The following PLA2G4A variants were observed in gnomAD, a reference collection of about 807,000 sequenced individuals.
PLA2G4A encodes phospholipase A2 group IVA.
PLA2G4A carries 40 observed loss-of-function variants against 81.9 expected under a neutral mutation model. The observed-to-expected ratio is 0.49, with a 90% CI of 0.38 to 0.64. PLA2G4A has a LOEUF of 0.64. PLA2G4A is among the 30% of genes least tolerant of loss of function. PLA2G4A has a pLI of 0.00. For missense variants in PLA2G4A, 715 were observed against 905.1 expected (o/e 0.79, Z 2.69); for synonymous variants, 302 against 296.9 (o/e 1.02, Z -0.18).
At position 186,939,998 on chromosome 1, in the gene PLA2G4A, A is replaced by C; in HGVS notation, c.937A>C (p.Ser313Arg). 1 of 1,552,764 alleles carries C rather than the reference A, an allele frequency of 6.4e-7. No individual in the cohort carries two copies. Among genetic ancestry groups the C allele is most frequent in the Non-Finnish European group, 8.9e-7 (1 of 1,124,174 alleles). The change falls in exon 10 of 18, where the codon AGC (serine) becomes CGC (arginine). Residue 313 changes from serine (S) to arginine (R), a missense_variant. Physicochemically the swap from Ser to Arg is moderately radical, Grantham distance 110 (BLOSUM62 -1). Transcript: ENST00000367466. The stretch of plus-strand genomic sequence containing the variant: ...TGGACAGAGAATGAATACTACTCTG[A>C]GCAGTTTGAAGGAAAAAGTTAATAC... ...LIHNRMNTTL[S>R]SLKEKVNTAQ... is the part of the protein sequence containing the mutation.
chr1:186,832,809 A>G (rs1317846022), intron 1 of PLA2G4A, among the ~76,000 whole-genome samples: 1 of 152,206 alleles, frequency 6.6e-6, no homozygotes, highest in Non-Finnish European at 1.5e-5. Context: ...ATTTTGAAGA[A>G]TATTAAGAGT....
chr1:186,935,169 C>T (rs1335535863), intron 8 of PLA2G4A, among the ~76,000 whole-genome samples: 1 of 151,900 alleles, frequency 6.6e-6, no homozygotes, highest in African/African-American at 2.4e-5. Flanking sequence ...CTGTGAAAAG[C>T]TTAGCAAAGG....
chr1:186,875,564 C>G (rs1348658257), intron 3 of PLA2G4A, among the ~76,000 whole-genome samples: 2 of 152,092 alleles, frequency 1.3e-5, no homozygotes, highest in South Asian at 2.1e-4. Context: ...ACTATACACA[C>G]ACACACACAT....
chr1:186,888,359 C>T (rs1278271045), intron 3 of PLA2G4A, among the ~76,000 whole-genome samples: 2 of 151,948 alleles, frequency 1.3e-5, no homozygotes, highest in Non-Finnish European at 2.9e-5. Context: ...ACTCATGGTG[C>T]TTCTCAATTT....
intron 7 of PLA2G4A, among the ~76,000 whole-genome samples, chr1:186,919,698 G>A (rs1655276958): frequency 6.6e-6 from 1 of 152,172 alleles, no homozygotes; most frequent in Non-Finnish European, 1.5e-5. Context: ...GCTCTCAGGA[G>A]CTAGTCTGAT....
intron 10 of PLA2G4A, among the ~76,000 whole-genome samples, chr1:186,943,159 CA>C (rs1656218523): frequency 6.6e-6 from 1 of 152,104 alleles, no homozygotes; most frequent in East Asian, 1.9e-4. Flanking sequence ...GCTTTATTAA[CA>C]ATTTTACTTC....
chr1:186,869,367 G>A (rs1653157325), intron 2 of PLA2G4A, among the ~76,000 whole-genome samples: 1 of 151,894 alleles, frequency 6.6e-6, no homozygotes, highest in South Asian at 2.1e-4. Flanking sequence ...AGATTTTTAT[G>A]CTTCCCTGCC....
chr1:186,862,974 A>G (rs763609201), intron 2 of PLA2G4A, among the ~76,000 whole-genome samples: 4 of 152,214 alleles, frequency 2.6e-5, no homozygotes, highest in Non-Finnish European at 4.4e-5. Context: ...TTTAGTTACC[A>G]TTGGACTAGA....
Position 186,965,744 on chromosome 1 carries a change from A to T in PLA2G4A, c.1764+151A>T. On this transcript the variant is annotated intron_variant, in intron 15 of 17. Transcript: ENST00000367466. ...AGTTCTAAAACGCAAACATGGTTCA[A>T]TCAGTCTCCTGCTTAAAGACACTTT... The T allele has an allele frequency of 1.0e-5, 7 of 691,130 alleles. 1 individual carries two copies. Among genetic ancestry groups the T allele is most frequent in the South Asian group, 9.5e-5 (6 of 63,488 alleles). The allele number at this position is 691,130 out of a possible 1,614,324, so 42.8% of individuals were successfully genotyped here. A position where few individuals can be genotyped will look rare whatever the true frequency, so the allele number is the denominator to read the frequency against.
At position 186,949,830 on chromosome 1, in the gene PLA2G4A, T is replaced by C. The variant is rs546868959; in HGVS notation, c.1265-827T>C. On this transcript the variant is annotated intron_variant, in intron 12 of 17. Transcript: ENST00000367466. Reference sequence around the variant, plus strand: ...TGAGTCCAGGAGTTTGAGACCAGCCTAGGCAATAGAGTGAGACTTCATTTC... The same window carrying C: ...TGAGTCCAGGAGTTTGAGACCAGCCCAGGCAATAGAGTGAGACTTCATTTC... Among the ~76,000 whole-genome samples, 3 of 149,226 alleles carry C rather than the reference T, an allele frequency of 2.0e-5. No homozygotes were observed. In the East Asian group the frequency reaches 5.9e-4, roughly 30 times the overall value.
intron 3 of PLA2G4A, among the ~76,000 whole-genome samples, chr1:186,872,613 C>T (rs1488459833): frequency 1.3e-5 from 2 of 152,032 alleles, no homozygotes; most frequent in African/African-American, 4.8e-5. Flanking sequence ...CTTTATACTC[C>T]ATGAGTCTCT....
At chr1:186,944,447 G>A (rs977812570) in intron 10 of PLA2G4A, among the ~76,000 whole-genome samples, 1 of 152,072 alleles carries the variant, frequency 6.6e-6, no homozygotes, top group Non-Finnish European at 1.5e-5. Context: ...CCCATGATAG[G>A]GTTGTGAAAT....
intron 1 of PLA2G4A, among the ~76,000 whole-genome samples, chr1:186,853,040 G>A (rs1472260527): frequency 2.6e-5 from 4 of 151,720 alleles, no homozygotes; most frequent in Admixed American, 6.6e-5. Flanking sequence ...GTAAATAGAC[G>A]TTTTACTTTA....
At chr1:186,905,916 T>C (rs1021356910) in intron 5 of PLA2G4A, among the ~76,000 whole-genome samples, 2 of 152,236 alleles carry the variant, frequency 1.3e-5, no homozygotes, top group African/African-American at 2.4e-5. Context: ...GAACTTATTT[T>C]AACCTTTTTG....
intron 5 of PLA2G4A, among the ~76,000 whole-genome samples, chr1:186,904,862 T>A (rs2017443): frequency 0.51 from 77,926 of 151,748 alleles, 21,156 homozygotes; most frequent in African/African-American, 0.69. Context: ...TATATATATT[T>A]TTTTTTTTGA....
intron 7 of PLA2G4A, among the ~76,000 whole-genome samples, chr1:186,917,185 G>A (rs1266823012): frequency 7.2e-5 from 11 of 152,076 alleles, no homozygotes; most frequent in African/African-American, 2.4e-4. Context: ...TGATTCATAC[G>A]CGATCACCTG....
At chr1:186,984,567 A>G (rs1452491463) in intron 17 of PLA2G4A, among the ~76,000 whole-genome samples, 3 of 152,206 alleles carry the variant, frequency 2.0e-5, no homozygotes, top group Non-Finnish European at 2.9e-5. Flanking sequence ...AAATACTGGT[A>G]CTCATTTCTT....
intron 3 of PLA2G4A, among the ~76,000 whole-genome samples, chr1:186,879,914 T>C (rs538675127): frequency 1.3e-5 from 2 of 152,014 alleles, no homozygotes; most frequent in East Asian, 3.9e-4. Context: ...TATGTATACA[T>C]GTGCCATGTT....
chr1:186,925,414 A>C (rs1178404156), intron 7 of PLA2G4A, among the ~76,000 whole-genome samples: 1 of 152,164 alleles, frequency 6.6e-6, no homozygotes, highest in African/African-American at 2.4e-5. Context: ...AAATCCTTCC[A>C]CTGCTCTTAG....
Sources: allele counts gnomAD v4.1 joint callset (sites outside exome capture counted in the v4.1 genomes callset), GRCh38; gene constraint gnomAD v4.1.1; transcripts MANE v1.5; gene names NCBI Gene and HGNC (gene_info 2026-07-23, HGNC 2026-07-21).